Variants in ADAMTS6 observed in about 807,000 individuals in gnomAD.
ADAMTS6 encodes ADAM metallopeptidase with thrombospondin type 1 motif 6.
In ADAMTS6, 23 loss-of-function variants were observed where a neutral mutation model predicts 144.3. That is an observed-to-expected ratio of 0.16 (90% CI 0.11 to 0.23). ADAMTS6 has a LOEUF of 0.23. Ranked by LOEUF, ADAMTS6 falls within the 10% of genes least tolerant of loss-of-function variation. The pLI is 1.00. For synonymous variants in ADAMTS6, 444 were observed against 457.5 expected (o/e 0.97, Z 0.38); for missense variants, 999 against 1,379.6 (o/e 0.72, Z 4.37).
At chr5:65,263,138 G>A (rs762623708) in intron 12 of ADAMTS6, among the ~76,000 whole-genome samples, 176 bp from the exon 13 acceptor site, 6 of 152,066 alleles carry the variant, frequency 3.9e-5, no homozygotes, top group Non-Finnish European at 5.9e-5. Flanking sequence ...TGTGACTTGC[G>A]AATTATCTTA....
intron 20 of ADAMTS6, among the ~76,000 whole-genome samples, chr5:65,213,852 T>G (rs7712148): frequency 0.32 from 49,236 of 152,044 alleles, 8,232 homozygotes; most frequent in African/African-American, 0.4. Flanking sequence ...TTTTAATTTT[T>G]CCCAAAATAA....
At chr5:65,449,216 A>G (rs1478819350) in intron 7 of ADAMTS6, among the ~76,000 whole-genome samples, 1 of 152,236 alleles carries the variant, frequency 6.6e-6, no homozygotes, top group African/African-American at 2.4e-5. Context: ...CCTCTGTTAC[A>G]TTAGCCAATC....
intron 15 of ADAMTS6, among the ~76,000 whole-genome samples, chr5:65,230,078 C>G (rs1758029780): frequency 6.6e-6 from 1 of 151,632 alleles, no homozygotes; most frequent in Admixed American, 6.6e-5. Flanking sequence ...TCCCTGCTGG[C>G]CAGAAGAGGC....
chr5:65,332,517 G>A (rs1174056220), intron 8 of ADAMTS6, among the ~76,000 whole-genome samples: 1 of 151,732 alleles, frequency 6.6e-6, no homozygotes, highest in African/African-American at 2.4e-5. Context: ...AGTAAATATG[G>A]GGGGTAAGTT....
At chr5:65,219,347 G>A (rs963666787) in intron 18 of ADAMTS6, among the ~76,000 whole-genome samples, 1 of 151,966 alleles carries the variant, frequency 6.6e-6, no homozygotes, top group East Asian at 1.9e-4. Context: ...GATAGTTGCC[G>A]ACCCCCAACC....
At position 65,478,832 on chromosome 5, in the gene ADAMTS6, T is replaced by G. The variant is rs555157498; in HGVS notation, c.-280+2511A>C. ...CATATGCTTTTCTCCCTAACACAAA[T>G]GCACCAGGCAGTAAAGTTAAGGGAT... On this transcript the variant is annotated intron_variant, in intron 1 of 24. Transcript: ENST00000381055. Among the ~76,000 whole-genome samples, 75 of 152,318 alleles carry G rather than the reference T, an allele frequency of 4.9e-4. 1 individual carries two copies. The highest frequency in any genetic ancestry group is 1.8e-3 in the African/African-American group (74 of 41,576).
At chr5:65,269,345 T>C (rs149219628) in intron 12 of ADAMTS6, among the ~76,000 whole-genome samples, 439 of 152,268 alleles carry the variant, frequency 2.9e-3, no homozygotes, top group Middle Eastern at 0.024. Context: ...CACAATCATA[T>C]ATGCTTAGCT....
At chr5:65,229,211 T>C (rs1757951526) in intron 15 of ADAMTS6, among the ~76,000 whole-genome samples, 1 of 152,170 alleles carries the variant, frequency 6.6e-6, no homozygotes, top group African/African-American at 2.4e-5. Flanking sequence ...AGGGATACAT[T>C]CTTAAGAATT....
chr5:65,204,332 T>C (rs1755937095), intron 20 of ADAMTS6, among the ~76,000 whole-genome samples: 1 of 152,158 alleles, frequency 6.6e-6, no homozygotes, highest in South Asian at 2.1e-4. Flanking sequence ...AACACACATA[T>C]TAGCTTCCAG....
intron 12 of ADAMTS6, 60 bp from the exon 13 acceptor site, chr5:65,263,022 GAAAT>G: frequency 6.2e-7 from 1 of 1,606,546 alleles, no homozygotes; most frequent in South Asian, 1.1e-5. Flanking sequence ...TATCAGGATA[GAAAT>G]ACATAAGGGT....
chr5:65,202,147 T>C (rs1755780700), intron 20 of ADAMTS6, among the ~76,000 whole-genome samples: 2 of 152,326 alleles, frequency 1.3e-5, no homozygotes, highest in East Asian at 1.9e-4. Flanking sequence ...AAGAGCCTCC[T>C]GCTAGTTTTT....
chr5:65,352,112 C>CA (rs1748906813), intron 7 of ADAMTS6, among the ~76,000 whole-genome samples: 2 of 151,672 alleles, frequency 1.3e-5, no homozygotes, highest in Non-Finnish European at 2.9e-5. Flanking sequence ...GCCAACTTGT[C>CA]AAAGTATCTA....
At chr5:65,262,708 G>C in intron 13 of ADAMTS6, 109 bp downstream of exon 13, 1 of 1,313,538 alleles carries the variant, frequency 7.6e-7, no homozygotes, top group African/African-American at 1.5e-5. Flanking sequence ...CTGAAGACAA[G>C]TACTTGGCTC....
chr5:65,388,155 G>C (rs935055403), intron 7 of ADAMTS6, among the ~76,000 whole-genome samples: 2 of 152,064 alleles, frequency 1.3e-5, no homozygotes, highest in Non-Finnish European at 2.9e-5. Context: ...GTTGCGGTGA[G>C]CCAAGATCGC....
intron 7 of ADAMTS6, among the ~76,000 whole-genome samples, chr5:65,401,150 A>T (rs1208662514): frequency 2.6e-5 from 4 of 152,166 alleles, no homozygotes; most frequent in Non-Finnish European, 5.9e-5. Context: ...AATAGCTGTA[A>T]ATAGGCCTTT....
rs150561157 is a variant in ADAMTS6, at chr5:65,150,313, C to T, written c.*1523G>A. ...GACACAAAGCACATTCATCAAGAAC[C>T]TGCTGCAAGCTACACGTGTTCAAGT... On this transcript the variant is annotated 3_prime_UTR_variant, in exon 25 of 25. Transcript: ENST00000381055. 92 of 152,714 alleles carry T rather than the reference C, an allele frequency of 6.0e-4. No homozygotes were observed. The highest frequency in any genetic ancestry group is 1.9e-3 in the African/African-American group (81 of 41,554). The allele number at this position is 152,714 out of a possible 1,614,324, so 9.5% of individuals were successfully genotyped here. A position where few individuals can be genotyped will look rare whatever the true frequency, so the allele number is the denominator to read the frequency against.
chr5:65,342,327 G>A (rs904606342), intron 7 of ADAMTS6, among the ~76,000 whole-genome samples: 2 of 152,128 alleles, frequency 1.3e-5, no homozygotes. Flanking sequence ...TGTCTCACAT[G>A]GTGGCAGACA....
At chr5:65,242,238 T>C (rs1300905932) in intron 14 of ADAMTS6, 32 bp from the exon 15 acceptor site, 3 of 1,529,678 alleles carry the variant, frequency 2.0e-6, no homozygotes, top group African/African-American at 1.4e-5. Flanking sequence ...AATGGTACCA[T>C]TGTTGGAAAA....
At chr5:65,153,490 C>T (rs1362777690) in intron 24 of ADAMTS6, among the ~76,000 whole-genome samples, 1 of 152,172 alleles carries the variant, frequency 6.6e-6, no homozygotes, top group African/African-American at 2.4e-5. Context: ...ACACGTGTAT[C>T]CTTACGAACG....
Sources: allele counts gnomAD v4.1 joint callset (sites outside exome capture counted in the v4.1 genomes callset), GRCh38; gene constraint gnomAD v4.1.1; transcripts MANE v1.5; gene names NCBI Gene and HGNC (gene_info 2026-07-23, HGNC 2026-07-21).